Variants in SF3A1 observed in about 807,000 individuals in gnomAD.
SF3A1 encodes the protein SAP 114.
SF3A1 carries 13 observed loss-of-function variants against 89.9 expected under a neutral mutation model. The observed-to-expected ratio is 0.14, with a 90% confidence interval of 0.09 to 0.23. SF3A1 has a LOEUF of 0.23. SF3A1 is among the 10% of genes least tolerant of loss of function. The probability of loss-of-function intolerance (pLI) is 1.00; values close to 1 mark genes in which losing one functional copy is unlikely to be tolerated. For missense variants in SF3A1, 604 were observed against 1,022.1 expected (o/e 0.59, Z 5.58); for synonymous variants, 405 against 374.4 (o/e 1.08, Z -0.94).
In SF3A1 at chr22:30,338,984, G is replaced by A; in HGVS notation, c.1548C>T (p.Ala516=). The change falls in exon 11 of 16, where the codon GCC becomes GCT. Residue 516 remains alanine, a synonymous_variant. Transcript: ENST00000215793. ...SGSMARTQQA[A]QANITLQEQI... is the part of the protein sequence containing the mutation. ...GCTCCTGGAGGGTGATGTTGGCCTG[G>A]GCAGCCTGCTGGGTCCGGGCCATGC... 6.2e-7 allele frequency: 1 copy of A among 1,614,172 alleles called. No homozygotes were observed. Among genetic ancestry groups the A allele is most frequent in the Non-Finnish European group, 8.5e-7 (1 of 1,180,038 alleles).
chr22:30,340,652 A>C (rs1461263500), intron 8 of SF3A1, 43 bp downstream of exon 8: 3 of 1,242,132 alleles, frequency 2.4e-6, no homozygotes. Context: ...GGCACACAGG[A>C]CTTCCTGGGC....
chr22:30,337,543 G>T, intron 12 of SF3A1, 147 bp downstream of exon 12: 1 of 703,658 alleles, frequency 1.4e-6, no homozygotes, highest in South Asian at 1.5e-5. Context: ...TAGGGTTGCG[G>T]ATCTTTCAAT....
intron 8 of SF3A1, 63 bp from the exon 9 acceptor site, chr22:30,340,444 G>C: frequency 6.6e-7 from 1 of 1,506,742 alleles, no homozygotes; most frequent in Non-Finnish European, 9.2e-7. Context: ...TAAGAGGGTG[G>C]TATTTCATGC....
At chr22:30,341,591 TCAAGGCTCACAGGGGAGCTG>T in intron 7 of SF3A1, 81 bp downstream of exon 7, 1 of 677,506 alleles carries the variant, frequency 1.5e-6, no homozygotes, top group Non-Finnish European at 2.3e-6. Flanking sequence ...ACGCCTCCTT[TCAAGGCTCACAGGGGAGCTG>T]GATCTGACTG....
chr22:30,342,925 A>C (rs1372739362), intron 4 of SF3A1, 46 bp from the exon 5 acceptor site: 3 of 1,270,188 alleles, frequency 2.4e-6, no homozygotes, highest in African/African-American at 1.5e-5. Context: ...TTTACAACGC[A>C]GTACAAAGAG....
intron 12 of SF3A1, 33 bp from the exon 13 acceptor site, chr22:30,337,213 G>A (rs771171787): frequency 6.4e-7 from 1 of 1,572,102 alleles, no homozygotes; most frequent in African/African-American, 1.4e-5. Flanking sequence ...CCCCATGAGA[G>A]GGCAGAAGGG....
intron 1 of SF3A1, 37 bp from the exon 2 acceptor site, chr22:30,353,109 C>T (rs1442765823): frequency 6.2e-7 from 1 of 1,609,412 alleles, no homozygotes; most frequent in Non-Finnish European, 8.5e-7. Context: ...TTTTAAAGTC[C>T]CTGGTTCAGA....
chr22:30,347,333 G>A (rs1160366575), intron 2 of SF3A1, among the ~76,000 whole-genome samples: 1 of 152,054 alleles, frequency 6.6e-6, no homozygotes, highest in African/African-American at 2.4e-5. Context: ...CAAATAGTTG[G>A]TTTAACGCCT....
chr22:30,355,580 TA>T (rs2145828432), intron 1 of SF3A1, among the ~76,000 whole-genome samples: 1 of 152,342 alleles, frequency 6.6e-6, no homozygotes, highest in East Asian at 1.9e-4. Flanking sequence ...TCCCACTGTC[TA>T]CAAGGAAAAG....
chr22:30,352,742 G>C (rs1163969835), intron 2 of SF3A1: 2 of 469,036 alleles, frequency 4.3e-6, no homozygotes, highest in Admixed American at 3.4e-5. Context: ...GGTGACTGTG[G>C]GGCTAAGTGT....
chr22:30,353,649 ATCT>A (rs1931668151), intron 1 of SF3A1, among the ~76,000 whole-genome samples: 1 of 152,118 alleles, frequency 6.6e-6, no homozygotes, highest in South Asian at 2.1e-4. Context: ...CGCTTACTTG[ATCT>A]ATTATGACTC....
chr22:30,340,659 G>C (rs758682350), intron 8 of SF3A1, 36 bp downstream of exon 8: 1 of 1,333,372 alleles, frequency 7.5e-7, no homozygotes, highest in South Asian at 1.2e-5. Flanking sequence ...AGGACTTCCT[G>C]GGCAGCCCGA....
intron 1 of SF3A1, among the ~76,000 whole-genome samples, chr22:30,354,232 C>T (rs1454938840): frequency 6.6e-6 from 1 of 152,210 alleles, no homozygotes; most frequent in Non-Finnish European, 1.5e-5. Context: ...TGCCTTCTCC[C>T]ACACCTTCCT....
chr22:30,355,815 T>TCCCCC (rs11451197), intron 1 of SF3A1, among the ~76,000 whole-genome samples: 120 of 92,298 alleles, frequency 1.3e-3, no homozygotes, highest in East Asian at 1.5e-3. Flanking sequence ...TCAGTCATGT[T>TCCCCC]CCCCCCCCCC....
Position 30,340,235 on chromosome 22 carries a change from T to C in SF3A1, c.1336A>G (p.Ile446Val). The C allele has an allele frequency of 6.2e-7, 1 of 1,601,912 alleles. No individual in the cohort carries two copies. The highest frequency in any genetic ancestry group is 8.5e-7 in the Non-Finnish European group (1 of 1,175,194). The change falls in exon 9 of 16, where the codon ATC becomes GTC. Residue 446 changes from isoleucine to valine, a missense_variant. Ile to Val is a conservative substitution (Grantham distance 29). This residue lies in a region of SF3A1 where 146 missense variants were observed against 228.5 expected (regional missense o/e 0.64). Transcript: ENST00000215793. Reference protein sequence around the residue: ...PRWLEQRDRSIREKQSDDEVY... With the variant: ...PRWLEQRDRSVREKQSDDEVY... ...TCATCATCGCTCTGCTTCTCACGGA[T>C]GGAGCGATCCCGCTGCTCCAGCCAG...
In SF3A1 at chr22:30,340,261, C is replaced by T. The variant is rs776315877; in HGVS notation, c.1310G>A (p.Arg437His). The T allele has an allele frequency of 1.6e-5, 26 of 1,611,964 alleles. No homozygotes were observed. Among genetic ancestry groups the T allele is most frequent in the Non-Finnish European group, 2.2e-5 (26 of 1,179,274 alleles). The change falls in exon 9 of 16, where the codon CGC (arginine) becomes CAC (histidine). Residue 437 changes from arginine to histidine, a missense_variant. Around this residue, in one of 9 missense-constraint regions of SF3A1, gnomAD observed 146 missense variants for 228.5 expected, o/e 0.64. Coordinates refer to ENST00000215793, the MANE Select transcript of SF3A1 (RefSeq NM_005877.6). ...GGAGCGATCCCGCTGCTCCAGCCAGCGAGGGTCAAGAAGTCCAATGCGCAT... is the reference window on the plus strand; with the variant it reads ...GGAGCGATCCCGCTGCTCCAGCCAGTGAGGGTCAAGAAGTCCAATGCGCAT... ...EHMRIGLLDPRWLEQRDRSIR... is the reference protein window; with the variant it reads ...EHMRIGLLDPHWLEQRDRSIR...
intron 3 of SF3A1, among the ~76,000 whole-genome samples, chr22:30,345,542 C>T (rs1931393085): frequency 6.6e-6 from 1 of 152,156 alleles, no homozygotes; most frequent in Non-Finnish European, 1.5e-5. Context: ...AGAAGGCCTA[C>T]ATGTGTGCAG....
At chr22:30,341,279 T>C (rs540748090) in intron 7 of SF3A1, among the ~76,000 whole-genome samples, 85 of 152,266 alleles carry the variant, frequency 5.6e-4, no homozygotes, top group African/African-American at 1.9e-3. Context: ...ACTCCATGCC[T>C]GCTTAGAGGG....
chr22:30,342,598 T>C (rs2074733), intron 5 of SF3A1: 317,232 of 621,584 alleles, frequency 0.51, 81,767 homozygotes, highest in African/African-American at 0.6. Flanking sequence ...GAGGGAGATA[T>C]ATTGAGGCTG....
Sources: gnomAD v4.1 joint callset for allele counts (sites outside exome capture counted in the v4.1 genomes callset) on GRCh38, gnomAD v4.1.1 for gene constraint, gnomAD v4.1.1 regional missense constraint, MANE v1.5 for transcripts, NCBI Gene and HGNC (gene_info 2026-07-23, HGNC 2026-07-21) for gene names.